DOT1L: variants seen among roughly 807,000 people sequenced by gnomAD.
The protein encoded by DOT1L is histone-lysine N-methyltransferase, H3 lysine-79 specific.
In DOT1L, 33 loss-of-function variants were observed where a neutral mutation model predicts 153.3. The observed-to-expected ratio is 0.22, with a 90% CI of 0.16 to 0.29. DOT1L has a LOEUF of 0.29. Ranked by LOEUF, DOT1L falls within the 10% of genes least tolerant of loss-of-function variation. DOT1L has a pLI of 1.00. For synonymous variants in DOT1L, 1,135 were observed against 965.1 expected (o/e 1.18, Z -3.26); for missense variants, 1,847 against 2,119.9 (o/e 0.87, Z 2.53).
intron 22 of DOT1L, among the ~76,000 whole-genome samples, chr19:2,219,640 T>C (rs964038354): frequency 2.6e-5 from 4 of 152,340 alleles, no homozygotes; most frequent in African/African-American, 7.2e-5. Context: ...GCTACTGGGT[T>C]CTGCGGTCAC....
Position 2,231,595 on chromosome 19 carries a change from A to C in DOT1L, c.*1803A>C. ...TTAAGTGGTGCCCAGTGCCCTCCCC[A>C]CCCCACGTTGGTGCTCTCAGCTAGA... On this transcript the variant is annotated 3_prime_UTR_variant, in exon 28 of 28. Transcript: ENST00000398665. The C allele has an allele frequency of 1.0e-5, 2 of 191,334 alleles. No individual in the cohort carries two copies. Among genetic ancestry groups the C allele is most frequent in the African/African-American group, 4.9e-5 (2 of 40,462 alleles). 11.9% of individuals were successfully genotyped at this position (191,334 alleles called of 1,614,324 possible).
At chr19:2,169,428 AG>A (rs1320818126) in intron 1 of DOT1L, among the ~76,000 whole-genome samples, 1 of 152,158 alleles carries the variant, frequency 6.6e-6, no homozygotes, top group Non-Finnish European at 1.5e-5. Context: ...AAGAGGTTGC[AG>A]GGGGTACTGG....
Position 2,220,456 on chromosome 19 carries a change from A to C in DOT1L, c.2806+234A>C. The C allele has an allele frequency of 1.6e-6, 1 of 630,346 alleles. No homozygotes were observed. 39.0% of individuals were successfully genotyped at this position (630,346 alleles called of 1,614,324 possible). On this transcript the variant is annotated intron_variant, in intron 23 of 27. Coordinates refer to ENST00000398665, the MANE Select transcript of DOT1L (RefSeq NM_032482.3). The surrounding 1 kb of genome is among the most constrained non-coding windows in gnomAD (Gnocchi z 4.5). ...CATACCTGGGTCTCCCGACACTGAC[A>C]CCTCCTGCTTGGGTGTATTAATTCA...
Position 2,191,705 on chromosome 19 carries a change from C to A in DOT1L, c.493+465C>A, listed in dbSNP as rs564871941. 1.1e-4 allele frequency among the ~76,000 whole-genome samples: 16 copies of A among 152,284 alleles called. No homozygotes were observed. In the South Asian group the frequency reaches 1.4e-3, roughly 14 times the overall value. ...GAGGAAGACCCCAGGTCCCTGGGCT[C>A]CCGGAGGCCCTCGCGCCCTCCCTGC... On this transcript the variant is annotated intron_variant, in intron 5 of 27. Coordinates refer to ENST00000398665, the MANE Select transcript of DOT1L (RefSeq NM_032482.3). The surrounding 1 kb of genome is among the most constrained non-coding windows in gnomAD (Gnocchi z 6.8).
chr19:2,183,485 C>T lies in DOT1L; in HGVS notation c.126-2370C>T, dbSNP rs150875464. Among the ~76,000 whole-genome samples, 7 of 152,202 alleles carry T rather than the reference C, an allele frequency of 4.6e-5. No homozygotes were observed. In the East Asian group the frequency reaches 1.2e-3, roughly 25 times the overall value. ...TGATTGGGCTGTCCTAGGCTCTCCT[C>T]GTTTGGATGTCCGTTGAGAATCAGC... is the stretch of plus-strand genomic sequence containing the variant. On this transcript the variant is annotated intron_variant, in intron 2 of 27. Transcript: ENST00000398665.
chr19:2,202,247 G>A (rs2023319574), intron 8 of DOT1L, among the ~76,000 whole-genome samples: 1 of 152,198 alleles, frequency 6.6e-6, no homozygotes, highest in Non-Finnish European at 1.5e-5. Context: ...TGCCAAGGGC[G>A]CCTCACCTGG....
chr19:2,227,141 C>T lies in DOT1L; in HGVS notation c.4606+14C>T. The T allele has an allele frequency of 6.4e-7, 1 of 1,553,852 alleles. No individual in the cohort carries two copies. The highest frequency in any genetic ancestry group is 1.4e-5 in the African/African-American group (1 of 72,950). The stretch of plus-strand genomic sequence containing the variant: ...GCACAGTTGGAGGTAGGCAGGGCGG[C>T]CGTCCGTCCGCCCCCCGCCCCGGCC... On this transcript the variant is annotated intron_variant, in intron 27 of 27. Transcript: ENST00000398665.
intron 27 of DOT1L, 188 bp from the exon 28 acceptor site, chr19:2,229,597 C>G (rs1259487112): frequency 2.0e-6 from 2 of 985,362 alleles, no homozygotes; most frequent in Non-Finnish European, 2.4e-6. Flanking sequence ...GTCAGGCTCC[C>G]TGGTCTGTCA....
In DOT1L at chr19:2,180,888, A is replaced by G; in HGVS notation, c.125+132A>G. ...TCCTGGAGGTGTTGTGAAGCGGATC[A>G]GGGGTGACTCAGGGACGGGTAGAGC... is the stretch of plus-strand genomic sequence containing the variant. On this transcript the variant is annotated intron_variant, in intron 2 of 27. Transcript: ENST00000398665. 2.8e-6 allele frequency: 3 copies of G among 1,090,388 alleles called. No homozygotes were observed. In the South Asian group the frequency reaches 4.4e-5, roughly 16 times the overall value. 67.5% of individuals were successfully genotyped at this position (1,090,388 alleles called of 1,614,324 possible). A position where few individuals can be genotyped will look rare whatever the true frequency, so the allele number is the denominator to read the frequency against.
chr19:2,214,997 C>A (rs952215337), intron 19 of DOT1L, among the ~76,000 whole-genome samples: 1 of 152,072 alleles, frequency 6.6e-6, no homozygotes, highest in African/African-American at 2.4e-5. Context: ...GGGCAGATCA[C>A]CTGAGGCTAG....
intron 1 of DOT1L, among the ~76,000 whole-genome samples, chr19:2,165,432 A>C (rs2019876204): frequency 6.6e-6 from 1 of 152,048 alleles, no homozygotes; most frequent in Non-Finnish European, 1.5e-5. Context: ...GCCTGGCCGC[A>C]CGTCCCGCGC....
intron 27 of DOT1L, chr19:2,227,527 G>A: frequency 1.8e-6 from 1 of 547,198 alleles, no homozygotes; most frequent in Non-Finnish European, 3.1e-6. Flanking sequence ...GCCGGGGGGA[G>A]CGGCCTGGCC....
At chr19:2,184,833 A>T (rs1217746908) in intron 2 of DOT1L, among the ~76,000 whole-genome samples, 1 of 152,040 alleles carries the variant, frequency 6.6e-6, no homozygotes, top group Admixed American at 6.6e-5. Flanking sequence ...CCTCCCCAGG[A>T]GGTGCTGTGT....
chr19:2,227,988 G>C lies in DOT1L; in HGVS notation c.4606+861G>C. 15 of 1,146,272 alleles carry C rather than the reference G, an allele frequency of 1.3e-5. No homozygotes were observed. The Admixed American group carries it at 1.4e-4, about 10-fold the overall frequency. The allele number at this position is 1,146,272 out of a possible 1,614,324, so 71.0% of individuals were successfully genotyped here. A position where few individuals can be genotyped will look rare whatever the true frequency, so the allele number is the denominator to read the frequency against. ...CCCCGCGGGGCCGCCCGTCCTCCAC[G>C]CCCCCCCTCCACCTAACGCCGCCTT... On this transcript the variant is annotated intron_variant, in intron 27 of 27. Coordinates refer to ENST00000398665, the MANE Select transcript of DOT1L (RefSeq NM_032482.3).
intron 27 of DOT1L, chr19:2,227,591 C>T: frequency 2.1e-6 from 2 of 949,518 alleles, no homozygotes; most frequent in Admixed American, 3.5e-5. Context: ...CCACCACGAG[C>T]CTGGCCGAGC....
At chr19:2,221,666 C>G (rs759897463) in intron 23 of DOT1L, 23 of 417,930 alleles carry the variant, frequency 5.5e-5, no homozygotes, top group Admixed American at 7.9e-5. Flanking sequence ...GCAACTTACT[C>G]AGAGGAAGCC....
intron 25 of DOT1L, among the ~76,000 whole-genome samples, chr19:2,224,379 A>C (rs2024243773): frequency 2.0e-5 from 3 of 151,934 alleles, no homozygotes; most frequent in African/African-American, 7.3e-5. Context: ...CTCAGTCCCC[A>C]CATCCTCAAC....
Position 2,217,227 on chromosome 19 carries a change from T to G in DOT1L, c.2544+137T>G. The G allele has an allele frequency of 1.6e-6, 2 of 1,277,146 alleles. No individual in the cohort carries two copies. The highest frequency in any genetic ancestry group is 3.0e-5 in the African/African-American group (2 of 66,706). 79.1% of individuals were successfully genotyped at this position (1,277,146 alleles called of 1,614,324 possible). A position where few individuals can be genotyped will look rare whatever the true frequency, so the allele number is the denominator to read the frequency against. ...CTGGGGCTGACCTGGAGTAGGATGT[T>G]GTGGCAGAGTTGGGGGCAACCAGTA... On this transcript the variant is annotated intron_variant, in intron 21 of 27. Transcript: ENST00000398665. The surrounding 1 kb of genome is among the most constrained non-coding windows in gnomAD (Gnocchi z 7.3).
At chr19:2,169,215 C>T (rs1347157660) in intron 1 of DOT1L, among the ~76,000 whole-genome samples, 1 of 152,040 alleles carries the variant, frequency 6.6e-6, no homozygotes, top group Non-Finnish European at 1.5e-5. Context: ...GTGAGCTGTC[C>T]CCACCGTGAC....
Sources: gnomAD v4.1 joint callset for allele counts (sites outside exome capture counted in the v4.1 genomes callset) on GRCh38, gnomAD v4.1.1 for gene constraint, Gnocchi (gnomAD v3.1) non-coding constraint, MANE v1.5 for transcripts, NCBI Gene and HGNC (gene_info 2026-07-23, HGNC 2026-07-21) for gene names.